Variants in SEM1 observed in about 807,000 individuals in gnomAD.
SEM1 encodes 26S proteasome complex subunit SEM1.
A neutral mutation model predicts 12.7 loss-of-function variants in SEM1; 3 were observed. The ratio of observed to expected loss-of-function variants is 0.24; its 90% CI spans 0.11 to 0.61. The LOEUF (loss-of-function observed/expected upper bound fraction) is 0.61, where lower values mean the gene tolerates loss of function less well. Among genes scored for constraint, SEM1 ranks in the 20% least tolerant of loss-of-function variants. The probability of loss-of-function intolerance (pLI) is 0.88; values close to 1 mark genes in which losing one functional copy is unlikely to be tolerated. For synonymous variants in SEM1, 30 were observed against 27.8 expected, an observed-to-expected ratio of 1.08 and a Z score of -0.25; for missense variants, 59 against 81.3, an observed-to-expected ratio of 0.73 and a Z score of 1.06.
chr7:96,508,396 C>A (rs1803823027), intron 2 of SEM1, among the ~76,000 whole-genome samples: 1 of 152,160 alleles, frequency 6.6e-6, no homozygotes, highest in African/African-American at 2.4e-5. Context: ...TAAAACACTT[C>A]TGGTGGCAGG....
chr7:96,645,259 G>A (rs1808747827), intron 2 of SEM1: 1 of 152,572 alleles, frequency 6.6e-6, no homozygotes, highest in Non-Finnish European at 1.5e-5. Flanking sequence ...GATTGAGAAT[G>A]GGAAGGTTTT....
intron 2 of SEM1, among the ~76,000 whole-genome samples, chr7:96,642,016 C>A: frequency 6.6e-6 from 1 of 151,832 alleles, no homozygotes; most frequent in South Asian, 2.1e-4. Context: ...TTGCACTGTC[C>A]AATATGGGTG....
chr7:96,589,925 TAAC>T (rs1411035363), intron 2 of SEM1, among the ~76,000 whole-genome samples: 1 of 152,112 alleles, frequency 6.6e-6, no homozygotes, highest in Non-Finnish European at 1.5e-5. Flanking sequence ...TGCACAAAAA[TAAC>T]AAATGCTAAT....
At chr7:96,584,307 C>T (rs1806531712) in intron 2 of SEM1, among the ~76,000 whole-genome samples, 1 of 152,190 alleles carries the variant, frequency 6.6e-6, no homozygotes, top group Admixed American at 6.5e-5. Flanking sequence ...CCACTCTCTT[C>T]TGGCCTGTAA....
At chr7:96,596,835 A>G (rs1563077170) in intron 2 of SEM1, among the ~76,000 whole-genome samples, 1 of 152,236 alleles carries the variant, frequency 6.6e-6, no homozygotes, top group African/African-American at 2.4e-5. Flanking sequence ...ATCTGCTGAA[A>G]ATACAAAAAT....
chr7:96,551,392 T>A (rs1231951721), intron 2 of SEM1, among the ~76,000 whole-genome samples: 2 of 152,158 alleles, frequency 1.3e-5, no homozygotes, highest in African/African-American at 2.4e-5. Flanking sequence ...AATCAAATGA[T>A]AAGTGTCTTT....
At chr7:96,482,941 T>A (rs1802603870) in exon 4 of SEM1, 1 of 152,150 alleles carries the variant, frequency 6.6e-6, no homozygotes, top group Non-Finnish European at 1.5e-5. Context: ...AGAAGAAGGA[T>A]GAATAGGCCA....
At chr7:96,520,761 C>T (rs369186756) in intron 2 of SEM1, among the ~76,000 whole-genome samples, 1 of 152,092 alleles carries the variant, frequency 6.6e-6, no homozygotes, top group East Asian at 1.9e-4. Flanking sequence ...AGCATCTGCT[C>T]CCAGGTTTTG....
At chr7:96,514,543 T>C (rs1428539771) in intron 2 of SEM1, among the ~76,000 whole-genome samples, 1 of 152,026 alleles carries the variant, frequency 6.6e-6, no homozygotes, top group African/African-American at 2.4e-5. Context: ...AAAACCTCCA[T>C]AATAAGTGAT....
intron 2 of SEM1, among the ~76,000 whole-genome samples, chr7:96,549,578 A>G (rs1805203666): frequency 6.6e-6 from 1 of 152,172 alleles, no homozygotes; most frequent in Admixed American, 6.5e-5. Flanking sequence ...TAAAAGCACC[A>G]TCTTACAAAT....
intron 2 of SEM1, among the ~76,000 whole-genome samples, chr7:96,531,619 A>G (rs1333599886): frequency 6.6e-6 from 1 of 151,838 alleles, no homozygotes; most frequent in Non-Finnish European, 1.5e-5. Context: ...AAAAAAAAAA[A>G]AAAGGAAATG....
intron 2 of SEM1, among the ~76,000 whole-genome samples, chr7:96,691,878 C>A (rs1789941470): frequency 6.6e-6 from 1 of 152,180 alleles, no homozygotes; most frequent in Admixed American, 6.5e-5. Context: ...ACAGCAAGTT[C>A]TATTTGACAC....
intron 2 of SEM1, among the ~76,000 whole-genome samples, chr7:96,658,802 G>A (rs558279627): frequency 1.3e-5 from 2 of 152,322 alleles, no homozygotes; most frequent in African/African-American, 4.8e-5. Flanking sequence ...CAGAGGTGGG[G>A]CAAATGGTTG....
intron 2 of SEM1, among the ~76,000 whole-genome samples, chr7:96,541,847 C>G (rs965374857): frequency 1.3e-5 from 2 of 151,642 alleles, no homozygotes; most frequent in African/African-American, 2.4e-5. Flanking sequence ...AGTCCTTTCC[C>G]CATTGCTTAT....
chr7:96,575,076 C>A (rs537886103), intron 2 of SEM1, among the ~76,000 whole-genome samples: 1 of 152,152 alleles, frequency 6.6e-6, no homozygotes, highest in African/African-American at 2.4e-5. Flanking sequence ...CCTTTTTGCA[C>A]TGGTTTTTCC....
chr7:96,488,265 G>A (rs1363480273), intron 1 of SEM1, among the ~76,000 whole-genome samples: 1 of 152,120 alleles, frequency 6.6e-6, no homozygotes, highest in Non-Finnish European at 1.5e-5. Flanking sequence ...GGGTGCATGG[G>A]ATGAGTACCT....
At chr7:96,616,585 G>T (rs760894468) in intron 2 of SEM1, among the ~76,000 whole-genome samples, 29 of 151,896 alleles carry the variant, frequency 1.9e-4, no homozygotes, top group Non-Finnish European at 4.0e-4. Flanking sequence ...TGTTTTTGTT[G>T]CATTTGCTTC....
chr7:96,569,117 A>T (rs1174725349), intron 2 of SEM1, among the ~76,000 whole-genome samples: 1 of 151,972 alleles, frequency 6.6e-6, no homozygotes, highest in Non-Finnish European at 1.5e-5. Context: ...CCCGTTGTTG[A>T]AAGTAAATGT....
At chr7:96,648,973 A>T (rs1808885213) in intron 2 of SEM1, among the ~76,000 whole-genome samples, 1 of 152,170 alleles carries the variant, frequency 6.6e-6, no homozygotes. Context: ...CACCCTGAGG[A>T]GGTGTGACGT....
Sources: allele counts gnomAD v4.1 joint callset (sites outside exome capture counted in the v4.1 genomes callset), GRCh38; gene constraint gnomAD v4.1.1; transcripts MANE v1.5; gene names NCBI Gene and HGNC (gene_info 2026-07-23, HGNC 2026-07-21).